FREM2: variants seen among roughly 807,000 people sequenced by gnomAD.
FREM2 encodes the protein FRAS1-related extracellular matrix protein 2.
A neutral mutation model predicts 219.9 loss-of-function variants in FREM2; 119 were observed. That is an observed-to-expected ratio of 0.54 (90% confidence interval 0.47 to 0.63). The LOEUF (loss-of-function observed/expected upper bound fraction) is 0.63. Among genes scored for constraint, FREM2 ranks in the 30% least tolerant of loss-of-function variants. The pLI is 0.00. For missense variants in FREM2, 4,030 were observed against 3,993.6 expected (o/e 1.01, Z -0.25); for synonymous variants, 1,562 against 1,522.8 (o/e 1.03, Z -0.60).
intron 4 of FREM2, among the ~76,000 whole-genome samples, chr13:38,780,434 T>G (rs1207409019): frequency 3.3e-5 from 5 of 152,204 alleles, no homozygotes; most frequent in African/African-American, 1.2e-4. Flanking sequence ...TGGTCCAAGC[T>G]TCTATGATCG....
chr13:38,785,175 T>C (rs1446171615), intron 6 of FREM2, among the ~76,000 whole-genome samples: 1 of 152,228 alleles, frequency 6.6e-6, no homozygotes, highest in African/African-American at 2.4e-5. Flanking sequence ...TTTGTAACTT[T>C]AATCTCAGTG....
rs183560588 is a variant in FREM2, at chr13:38,687,453, C to T, written c.109C>T (p.Leu37Phe). 2,454 of 1,594,358 alleles carry T rather than the reference C, an allele frequency of 1.5e-3. 6 individuals carry two copies. Among genetic ancestry groups the T allele is most frequent in the Non-Finnish European group, 1.9e-3 (2,279 of 1,171,072 alleles). ...PPRLLLLLLLLLSLVSRVPAQ... is the reference protein window; with the variant it reads ...PPRLLLLLLLFLSLVSRVPAQ... ...CCGGCTGCTGCTGCTGCTGCTGCTT[C>T]TCCTGTCACTGGTAAGCCGCGTCCC... is the stretch of plus-strand genomic sequence containing the variant. The change falls in exon 1 of 24, where the codon CTC becomes TTC. Residue 37 changes from leucine (L) to phenylalanine (F), a missense_variant. Leu to Phe is a conservative substitution (Grantham distance 22). Coordinates refer to ENST00000280481, the MANE Select transcript of FREM2 (RefSeq NM_207361.6).
intron 6 of FREM2, among the ~76,000 whole-genome samples, chr13:38,815,556 T>A (rs963798): frequency 0.48 from 73,178 of 152,100 alleles, 17,842 homozygotes; most frequent in Middle Eastern, 0.52. Context: ...AGAGGCTGCT[T>A]TAAACAACTA....
intron 6 of FREM2, among the ~76,000 whole-genome samples, chr13:38,825,814 G>A (rs1876259954): frequency 6.6e-6 from 1 of 152,056 alleles, no homozygotes; most frequent in Admixed American, 6.6e-5. Context: ...ATATCACCCT[G>A]ACTCAGGGCT....
chr13:38,793,192 G>A (rs1278996017), intron 6 of FREM2, among the ~76,000 whole-genome samples: 1 of 152,180 alleles, frequency 6.6e-6, no homozygotes, highest in East Asian at 1.9e-4. Flanking sequence ...CAGCAAACAA[G>A]AGAACCATGG....
At chr13:38,733,825 C>T (rs907435993) in intron 2 of FREM2, among the ~76,000 whole-genome samples, 1 of 152,098 alleles carries the variant, frequency 6.6e-6, no homozygotes, top group African/African-American at 2.4e-5. Context: ...CTGTTTTAAA[C>T]AATTATTCAA....
At chr13:38,742,183 A>G (rs1306235406) in intron 2 of FREM2, among the ~76,000 whole-genome samples, 1 of 152,254 alleles carries the variant, frequency 6.6e-6, no homozygotes, top group Non-Finnish European at 1.5e-5. Flanking sequence ...TTTATCAAAA[A>G]TAGTTTAAAG....
intron 18 of FREM2, among the ~76,000 whole-genome samples, chr13:38,875,007 G>C (rs964559143): frequency 2.6e-5 from 4 of 152,064 alleles, no homozygotes; most frequent in African/African-American, 7.2e-5. Context: ...GGTCAGAGGA[G>C]GTACTTCACT....
Position 38,846,624 on chromosome 13 carries a change from G to T in FREM2, c.6071G>T (p.Gly2024Val), listed in dbSNP as rs761992692. The change falls in exon 7 of 24, where the codon GGC becomes GTC. Residue 2024 changes from glycine to valine, a missense_variant. Around this residue, in one of 2 missense-constraint regions of FREM2, gnomAD observed 3,102 missense variants for 2,950.7 expected, o/e 1.05. Coordinates refer to ENST00000280481, the MANE Select transcript of FREM2 (RefSeq NM_207361.6). ...GAATACTCTGTGGATGAGAGTGCTG[G>T]CTATGTGGAAGTGCAGGTGTGGAGA... ...DVEYSVDESA[G>V]YVEVQVWRTG... 2.5e-6 allele frequency: 4 copies of T among 1,613,728 alleles called. No homozygotes were observed. The highest frequency in any genetic ancestry group is 1.1e-5 in the South Asian group (1 of 91,072).
At chr13:38,817,858 A>C (rs1321415227) in intron 6 of FREM2, among the ~76,000 whole-genome samples, 1 of 152,104 alleles carries the variant, frequency 6.6e-6, no homozygotes, top group East Asian at 1.9e-4. Flanking sequence ...ATAGCAAAAC[A>C]ACAATAACAA....
chr13:38,747,284 T>A (rs1249889531), intron 2 of FREM2, among the ~76,000 whole-genome samples: 1 of 152,164 alleles, frequency 6.6e-6, no homozygotes, highest in Non-Finnish European at 1.5e-5. Flanking sequence ...AGGATAGTTA[T>A]CCTATTATTC....
At chr13:38,741,617 A>G (rs1029606491) in intron 2 of FREM2, among the ~76,000 whole-genome samples, 5 of 152,162 alleles carry the variant, frequency 3.3e-5, no homozygotes, top group Non-Finnish European at 7.4e-5. Flanking sequence ...TGGACACATC[A>G]CAAATTGCAG....
rs370371340 is a variant in FREM2, at chr13:38,687,911, C to G, written c.567C>G (p.Val189=). 1 of 1,594,028 alleles carries G rather than the reference C, an allele frequency of 6.3e-7. No homozygotes were observed. Among genetic ancestry groups the G allele is most frequent in the Admixed American group, 1.7e-5 (1 of 57,346 alleles). The change falls in exon 1 of 24, where the codon GTC becomes GTG. Residue 189 remains valine (V), a synonymous_variant. Coordinates refer to ENST00000280481, the MANE Select transcript of FREM2 (RefSeq NM_207361.6). ...LEVVTRNLPL[V]VEELLGTSNA... ...TTGTGACTCGGAACTTGCCTCTGGT[C>G]GTGGAAGAGCTGCTGGGGACCAGCA...
intron 12 of FREM2, 59 bp downstream of exon 12, chr13:38,856,315 A>T: frequency 6.8e-7 from 1 of 1,476,698 alleles, no homozygotes. Flanking sequence ...GGAAATGCAT[A>T]AAAGCAATCA....
chr13:38,723,632 A>G (rs1273185767), intron 2 of FREM2, among the ~76,000 whole-genome samples: 1 of 152,216 alleles, frequency 6.6e-6, no homozygotes, highest in Non-Finnish European at 1.5e-5. Flanking sequence ...AGTTCTTTCT[A>G]TATCTATTCC....
intron 6 of FREM2, among the ~76,000 whole-genome samples, chr13:38,842,106 G>A (rs1392953259): frequency 6.6e-6 from 1 of 152,166 alleles, no homozygotes; most frequent in Non-Finnish European, 1.5e-5. Context: ...CAAAGGCTGG[G>A]AGGGGCACAT....
At chr13:38,692,595 A>G in intron 1 of FREM2, 78 bp downstream of exon 1, 1 of 1,499,792 alleles carries the variant, frequency 6.7e-7, no homozygotes, top group Non-Finnish European at 9.2e-7. Context: ...CAAACAGAGC[A>G]TTAAATTAGA....
rs1238743810 is a variant in FREM2 at position 38,877,046 on chromosome 13, A to G, written c.8545-71A>G. 3.9e-6 allele frequency: 6 copies of G among 1,532,962 alleles called. No individual in the cohort carries two copies. The African/African-American group carries it at 6.8e-5, about 17-fold the overall frequency. 95.0% of individuals were successfully genotyped at this position (1,532,962 alleles called of 1,614,324 possible). A position where few individuals can be genotyped will look rare whatever the true frequency, so the allele number is the denominator to read the frequency against. On this transcript the variant is annotated intron_variant, in intron 20 of 23. Transcript: ENST00000280481. ...TCTACAGTGTACGGTGAATGTATGT[A>G]TCTGTGAACAGTATGTTTGTGCACC...
intron 18 of FREM2, 68 bp downstream of exon 18, chr13:38,874,654 A>G: frequency 8.0e-7 from 1 of 1,242,250 alleles, no homozygotes; most frequent in African/African-American, 1.5e-5. Context: ...ATCTTCACAC[A>G]TTTCAGCGTG....
Sources: allele counts gnomAD v4.1 joint callset (sites outside exome capture counted in the v4.1 genomes callset), GRCh38; gene constraint gnomAD v4.1.1; regional missense constraint gnomAD v4.1.1; transcripts MANE v1.5; gene names NCBI Gene and HGNC (gene_info 2026-07-23, HGNC 2026-07-21).